JADE3: variants seen among roughly 807,000 people sequenced by gnomAD.
JADE3 encodes protein Jade-3.
JADE3 carries 2 observed loss-of-function variants against 50.1 expected under a neutral mutation model. The observed-to-expected ratio is 0.04, with a 90% CI of 0.02 to 0.13. The LOEUF is 0.13. Among genes scored for constraint, JADE3 ranks in the 10% least tolerant of loss-of-function variants. The probability of loss-of-function intolerance (pLI) is 1.00; values close to 1 mark genes in which losing one functional copy is unlikely to be tolerated. For missense variants in JADE3, 475 were observed against 634.4 expected (o/e 0.75, Z 2.70); for synonymous variants, 218 against 232.9 (o/e 0.94, Z 0.58).
chrX:46,982,039 G>T (rs1927766006), intron 1 of JADE3, among the ~76,000 whole-genome samples: 1 of 110,775 alleles, frequency 9.0e-6, no homozygotes, highest in African/African-American at 3.3e-5. Context: ...GTAAATTTGG[G>T]GAGTTTTTCT....
At chrX:46,930,029 G>A (rs868957991) in intron 1 of JADE3, among the ~76,000 whole-genome samples, 10 of 112,372 alleles carry the variant, frequency 8.9e-5, no homozygotes, top group African/African-American at 3.2e-4. Context: ...TACACTTAGA[G>A]TGTGATTTTG....
chrX:46,921,573 T>C (rs1395100904), intron 1 of JADE3, among the ~76,000 whole-genome samples: 2 of 112,096 alleles, frequency 1.8e-5, no homozygotes, highest in African/African-American at 6.5e-5. Context: ...ACGTGCACGA[T>C]TGGCCCTTAG....
chrX:47,025,751 C>T (rs1040987534), intron 5 of JADE3, among the ~76,000 whole-genome samples: 1 of 111,463 alleles, frequency 9.0e-6, no homozygotes, highest in Non-Finnish European at 1.9e-5. Context: ...TTTAAGACTC[C>T]GTATAAGATA....
chrX:46,995,663 C>T (rs1288575276), intron 3 of JADE3, among the ~76,000 whole-genome samples: 1 of 111,829 alleles, frequency 8.9e-6, no homozygotes, highest in African/African-American at 3.2e-5. Flanking sequence ...TTATCAAAAG[C>T]GGGTTAATGA....
At chrX:47,020,567 C>G (rs1928773684) in intron 4 of JADE3, among the ~76,000 whole-genome samples, 1 of 111,774 alleles carries the variant, frequency 8.9e-6, no homozygotes, top group Non-Finnish European at 1.9e-5. Context: ...TTAACTTCAT[C>G]TTTTACCCAT....
At chrX:46,933,331 A>G (rs1926535862) in intron 1 of JADE3, among the ~76,000 whole-genome samples, 2 of 112,131 alleles carry the variant, frequency 1.8e-5, no homozygotes, top group South Asian at 7.5e-4. Context: ...CAAAGAACTA[A>G]AAATGGAGTA....
At chrX:46,912,782 G>T (rs1326674201) in intron 1 of JADE3, 63 bp downstream of exon 1, 1 of 112,215 alleles carries the variant, frequency 8.9e-6, no homozygotes, top group Non-Finnish European at 1.9e-5. Context: ...CGGCTGGGCG[G>T]CGGGAGCGGC....
At chrX:47,023,587 C>T (rs1378141180) in intron 4 of JADE3, among the ~76,000 whole-genome samples, 5 of 112,310 alleles carry the variant, frequency 4.5e-5, no homozygotes, top group Non-Finnish European at 9.4e-5. Flanking sequence ...GTTATCCTTA[C>T]ATTTTAGCTA....
At chrX:46,923,393 C>CTCTCTCTTTTTTTTTTTTTTTTTTTT (rs1556338199) in intron 1 of JADE3, among the ~76,000 whole-genome samples, 1 of 11,525 alleles carries the variant, frequency 8.7e-5, no homozygotes, top group African/African-American at 2.0e-4. Context: ...CTCTCTCTCT[C>CTCTCTCTTTTTTTTTTTTTTTTTTTT]TTTTTTTTTT....
chrX:47,027,758 C>T, intron 5 of JADE3, 134 bp from the exon 6 acceptor site: 1 of 492,297 alleles, frequency 2.0e-6, no homozygotes, highest in Admixed American at 3.9e-5. Flanking sequence ...TTTTTGAAAT[C>T]TGGTTGTTTT....
intron 8 of JADE3, among the ~76,000 whole-genome samples, chrX:47,044,893 C>T (rs1045540499): frequency 9.0e-6 from 1 of 111,355 alleles, no homozygotes; most frequent in African/African-American, 3.3e-5. Flanking sequence ...ATATTATCCG[C>T]AAGGCCCATG....
chrX:46,966,615 A>G (rs1556349138), intron 1 of JADE3, among the ~76,000 whole-genome samples: 1 of 111,977 alleles, frequency 8.9e-6, no homozygotes, highest in Admixed American at 9.5e-5. Context: ...CTTAAAGATG[A>G]GGGTTGGGAA....
intron 1 of JADE3, among the ~76,000 whole-genome samples, chrX:46,916,939 TGA>T (rs1556336459): frequency 2.7e-5 from 3 of 111,647 alleles, no homozygotes; most frequent in Non-Finnish European, 3.8e-5. Context: ...CTGTCTTCTC[TGA>T]GGCCTGCTCT....
chrX:46,943,547 G>A (rs377426759), intron 1 of JADE3, among the ~76,000 whole-genome samples: 15 of 112,274 alleles, frequency 1.3e-4, no homozygotes, highest in African/African-American at 4.9e-4. Context: ...AACTAACCTA[G>A]TATCCCAGGA....
intron 1 of JADE3, among the ~76,000 whole-genome samples, chrX:46,923,393 C>CTCTCTCTCTTTTTTTTTTTT (rs1556338199): frequency 8.7e-5 from 1 of 11,525 alleles, no homozygotes; most frequent in Non-Finnish European, 2.0e-4. Context: ...CTCTCTCTCT[C>CTCTCTCTCTTTTTTTTTTTT]TTTTTTTTTT....
intron 8 of JADE3, among the ~76,000 whole-genome samples, chrX:47,048,537 T>C (rs1929428637): frequency 8.9e-6 from 1 of 112,212 alleles, no homozygotes; most frequent in Non-Finnish European, 1.9e-5. Context: ...TGCTACAACA[T>C]AGAGGAACCT....
intron 1 of JADE3, among the ~76,000 whole-genome samples, chrX:46,944,307 CTTTT>C (rs113355463): frequency 9.1e-5 from 8 of 87,587 alleles, no homozygotes; most frequent in Non-Finnish European, 1.3e-4. Context: ...TTTCTCACTT[CTTTT>C]TTTTTTTTTT....
intron 1 of JADE3, among the ~76,000 whole-genome samples, chrX:46,968,785 C>T (rs1927420900): frequency 9.1e-6 from 1 of 110,020 alleles, no homozygotes; most frequent in African/African-American, 3.3e-5. Flanking sequence ...GAACACAAAG[C>T]AAAACCCAAC....
Position 47,046,667 on chromosome X carries a change from A to T in JADE3, c.973-7491A>T, listed in dbSNP as rs1569538647. On this transcript the variant is annotated intron_variant, in intron 8 of 10. Transcript: ENST00000614628. ...GAACACCAAATTTAACAATACTTTG[A>T]AAAGATCATTCACCATGACCAGTTT... is the stretch of plus-strand genomic sequence containing the variant. Among the ~76,000 whole-genome samples, 2 of 112,439 alleles carry T rather than the reference A, an allele frequency of 1.8e-5. 1 individual carries two copies. The highest frequency in any genetic ancestry group is 1.9e-4 in the Admixed American group (2 of 10,629).
Sources: gnomAD v4.1 joint callset for allele counts (sites outside exome capture counted in the v4.1 genomes callset) on GRCh38, gnomAD v4.1.1 for gene constraint, MANE v1.5 for transcripts, NCBI Gene and HGNC (gene_info 2026-07-23, HGNC 2026-07-21) for gene names.